Variants in CYFIP1 observed in about 807,000 individuals in gnomAD.
CYFIP1 encodes the protein cytoplasmic FMR1 interacting protein 1.
In CYFIP1, 58 loss-of-function variants were observed where a neutral mutation model predicts 163.5. The ratio of observed to expected loss-of-function variants is 0.35; its 90% CI spans 0.29 to 0.44. The LOEUF (loss-of-function observed/expected upper bound fraction) is 0.44, where lower values mean the gene tolerates loss of function less well. CYFIP1 is among the 20% of genes least tolerant of loss of function. CYFIP1 has a pLI of 1.00. For missense variants in CYFIP1, 1,338 were observed against 1,653.8 expected, an observed-to-expected ratio of 0.81 and a Z score of 3.31; for synonymous variants, 663 against 660.7, an observed-to-expected ratio of 1.00 and a Z score of -0.05.
chr15:22,956,789 A>G (rs1293014939), intron 1 of CYFIP1, among the ~76,000 whole-genome samples: 2 of 152,194 alleles, frequency 1.3e-5, no homozygotes, highest in Non-Finnish European at 2.9e-5. Flanking sequence ...GATGCCAGCG[A>G]GCACACAGCA....
At chr15:22,940,344 G>A (rs907039985) in intron 6 of CYFIP1, among the ~76,000 whole-genome samples, 1 of 152,180 alleles carries the variant, frequency 6.6e-6, no homozygotes, top group African/African-American at 2.4e-5. Context: ...CACATTCCGT[G>A]TGCCTCGCCC....
In CYFIP1 at chr15:22,939,197, G is replaced by A. The variant is rs778679621; in HGVS notation, c.790C>T (p.Leu264Phe). The A allele has an allele frequency of 1.9e-6, 3 of 1,614,178 alleles. No homozygotes were observed. Among genetic ancestry groups the A allele is most frequent in the Non-Finnish European group, 2.5e-6 (3 of 1,180,032 alleles). Reference sequence around the variant, plus strand: ...TAGCGTCCCCACACACGTACTTTGAGAAGCATGTGTTTCTCACTGGGCGTC... The same window carrying A: ...TAGCGTCCCCACACACGTACTTTGAAAAGCATGTGTTTCTCACTGGGCGTC... Reference protein sequence around the residue: ...YLTPSEKHMLLKVMGFGLYLM... With the variant: ...YLTPSEKHMLFKVMGFGLYLM... Residue 264 changes from leucine to phenylalanine, a missense_variant, in exon 8 of 31, where the codon CTC becomes TTC. Transcript: ENST00000617928.
intron 22 of CYFIP1, among the ~76,000 whole-genome samples, chr15:22,899,734 T>C (rs1205003831): frequency 2.0e-5 from 3 of 152,140 alleles, no homozygotes; most frequent in Admixed American, 6.5e-5. Flanking sequence ...ATGTGGGCTA[T>C]GGGTTGTACT....
At chr15:22,976,957 T>C (rs2063302242) in intron 1 of CYFIP1, among the ~76,000 whole-genome samples, 1 of 152,116 alleles carries the variant, frequency 6.6e-6, no homozygotes, top group African/African-American at 2.4e-5. Context: ...CCTAGCACTT[T>C]GGGAGGCCGA....
intron 5 of CYFIP1, 146 bp from the exon 6 acceptor site, chr15:22,943,500 G>A (rs2061959813): frequency 1.2e-6 from 1 of 822,268 alleles, no homozygotes; most frequent in Non-Finnish European, 1.9e-6. Context: ...TACAATGTGG[G>A]CAACCAGACC....
chr15:22,943,627 GC>G (rs1567009738), intron 5 of CYFIP1, among the ~76,000 whole-genome samples: 1 of 152,160 alleles, frequency 6.6e-6, no homozygotes, highest in Non-Finnish European at 1.5e-5. Context: ...AAATTACTGA[GC>G]AAAATGCTCC....
At position 22,916,641 on chromosome 15, in the gene CYFIP1, C is replaced by G. The variant is rs776037406; in HGVS notation, c.1675-11G>C. ...TCTCACCATGTAAAGCTGGATTATC[C>G]AAGGAAACATTTGTGGGGGAGAAAA... On this transcript the variant is annotated splice_polypyrimidine_tract_variant and intron_variant, in intron 15 of 30. Coordinates refer to ENST00000617928, the MANE Select transcript of CYFIP1 (RefSeq NM_014608.6). 8.7e-6 allele frequency: 14 copies of G among 1,613,874 alleles called. No homozygotes were observed. Among genetic ancestry groups the G allele is most frequent in the Non-Finnish European group, 1.2e-5 (14 of 1,180,006 alleles).
intron 15 of CYFIP1, 116 bp from the exon 16 acceptor site, chr15:22,916,746 C>T (rs1350156994): frequency 5.0e-6 from 8 of 1,611,574 alleles, no homozygotes; most frequent in African/African-American, 1.3e-5. Flanking sequence ...GTCGGGAGGG[C>T]CCCGCACCAG....
chr15:22,924,149 C>A (rs906971275), intron 13 of CYFIP1, among the ~76,000 whole-genome samples: 1 of 152,084 alleles, frequency 6.6e-6, no homozygotes, highest in African/African-American at 2.4e-5. Flanking sequence ...AGTGGCCTGG[C>A]ACGGTAGCTC....
At chr15:22,916,389 G>C (rs1000974393) in intron 16 of CYFIP1, 88 bp downstream of exon 16, 2 of 982,954 alleles carry the variant, frequency 2.0e-6, no homozygotes, top group African/African-American at 3.2e-5. Flanking sequence ...GACGGGGTAG[G>C]GGGTGGTCAG....
intron 1 of CYFIP1, among the ~76,000 whole-genome samples, chr15:22,953,043 C>T (rs12902071): frequency 0.23 from 35,527 of 152,254 alleles, 4,350 homozygotes; most frequent in African/African-American, 0.26. Flanking sequence ...TGTCACCGCA[C>T]GCACACGGCC....
chr15:22,933,331 T>G (rs76212948), intron 10 of CYFIP1, among the ~76,000 whole-genome samples: 12 of 151,960 alleles, frequency 7.9e-5, no homozygotes, highest in Non-Finnish European at 1.8e-4. Flanking sequence ...TTTTTTTTTT[T>G]TGAGACGGAG....
upstream of CYFIP1, chr15:22,980,511 C>A (rs2140308028): frequency 6.6e-6 from 1 of 152,100 alleles, no homozygotes; most frequent in African/African-American, 2.4e-5. Flanking sequence ...GCCGGGCGGC[C>A]CCTTTCCCCA....
intron 26 of CYFIP1, among the ~76,000 whole-genome samples, chr15:22,877,599 T>C (rs896287701): frequency 3.5e-5 from 3 of 85,856 alleles, no homozygotes; most frequent in Admixed American, 1.5e-4. Context: ...TTGGGGAACA[T>C]GTCCTTAGAG....
intron 17 of CYFIP1, among the ~76,000 whole-genome samples, chr15:22,912,792 C>A (rs192152198): frequency 6.6e-6 from 1 of 152,100 alleles, no homozygotes; most frequent in Non-Finnish European, 1.5e-5. Context: ...CGTGGTGGCG[C>A]ACGCCTGAGT....
In CYFIP1 at chr15:22,917,020, C is replaced by T. The variant is rs1171919889; in HGVS notation, c.1675-390G>A. On this transcript the variant is annotated intron_variant, in intron 15 of 30. Coordinates refer to ENST00000617928, the MANE Select transcript of CYFIP1 (RefSeq NM_014608.6). This position sits in a 1 kb window ranked among gnomAD's most constrained non-coding sequence, Gnocchi z 4.2. The stretch of plus-strand genomic sequence containing the variant: ...CCCAAGGACTCGGCCATGGTGCGCA[C>T]CAGGTAGAGCTAGACACGGACAGAC... 3 of 1,545,534 alleles carry T rather than the reference C, an allele frequency of 1.9e-6. No individual in the cohort carries two copies. The highest frequency in any genetic ancestry group is 4.9e-5 in the East Asian group (2 of 40,846).
rs551420380 is a variant in CYFIP1 at position 22,957,422 on chromosome 15, G to A, written c.-6-10131C>T. 3.3e-5 allele frequency among the ~76,000 whole-genome samples: 5 copies of A among 152,258 alleles called. No homozygotes were observed. In the South Asian group the frequency reaches 8.3e-4, roughly 25 times the overall value. On this transcript the variant is annotated intron_variant, in intron 1 of 30. Coordinates refer to ENST00000617928, the MANE Select transcript of CYFIP1 (RefSeq NM_014608.6). ...GAGGCCGAGGCAGGTGGATCACGAG[G>A]TCAGGAGATCAAGACCATCCTAGCT...
intron 6 of CYFIP1, among the ~76,000 whole-genome samples, chr15:22,942,238 G>C (rs2061911650): frequency 6.6e-6 from 1 of 152,168 alleles, no homozygotes; most frequent in South Asian, 2.1e-4. Flanking sequence ...TAAAGACATA[G>C]CAACAGTTGT....
chr15:22,924,170 T>A lies in CYFIP1; in HGVS notation c.1359+1812A>T, dbSNP rs536615153. On this transcript the variant is annotated intron_variant, in intron 13 of 30. Coordinates refer to ENST00000617928, the MANE Select transcript of CYFIP1 (RefSeq NM_014608.6). ...CTGGCACGGTAGCTCACGCCTGTAA[T>A]CCTGGCACTTTGGAAGCCCAAGGCA... 2.0e-5 allele frequency among the ~76,000 whole-genome samples: 3 copies of A among 152,254 alleles called. No homozygotes were observed. The East Asian group carries it at 5.8e-4, about 29-fold the overall frequency.
Sources: allele counts gnomAD v4.1 joint callset (sites outside exome capture counted in the v4.1 genomes callset), GRCh38; gene constraint gnomAD v4.1.1; non-coding constraint Gnocchi (gnomAD v3.1); transcripts MANE v1.5; gene names NCBI Gene and HGNC (gene_info 2026-07-23, HGNC 2026-07-21).